The following RPE65 variants were observed in gnomAD, a reference collection of about 807,000 sequenced individuals.
The protein encoded by RPE65 is retinoid isomerohydrolase RPE65, also known as retinoid isomerohydrolase.
Under a neutral mutation model 68.5 loss-of-function variants are expected in RPE65, and 58 were observed. The observed-to-expected ratio is 0.85, with a 90% CI of 0.69 to 1.05. RPE65 has a LOEUF of 1.05. Ranked by LOEUF, RPE65 falls within the 50% of genes least tolerant of loss-of-function variation. The pLI is 0.00. For missense variants in RPE65, 643 were observed against 629.9 expected, an observed-to-expected ratio of 1.02 and a Z score of -0.22; for synonymous variants, 220 against 222.2, an observed-to-expected ratio of 0.99 and a Z score of 0.09.
At chr1:68,446,139 CTT>C (rs1371483969) in intron 3 of RPE65, among the ~76,000 whole-genome samples, 7 of 152,028 alleles carry the variant, frequency 4.6e-5, no homozygotes, top group African/African-American at 1.7e-4. Flanking sequence ...GCAATAATCT[CTT>C]GTTTTCAGAA....
chr1:68,431,987 G>A (rs1645830416), intron 10 of RPE65, among the ~76,000 whole-genome samples: 1 of 148,088 alleles, frequency 6.8e-6, no homozygotes, highest in South Asian at 2.2e-4. Context: ...AGGGATGAAA[G>A]AATGTATATT....
intron 3 of RPE65, 78 bp downstream of exon 3, chr1:68,446,632 G>A: frequency 6.3e-7 from 1 of 1,575,682 alleles, no homozygotes; most frequent in South Asian, 1.1e-5. Context: ...TGAGTTCAGA[G>A]GTGAAAACTC....
chr1:68,448,266 C>CT (rs1247996963), intron 2 of RPE65, among the ~76,000 whole-genome samples: 2 of 152,158 alleles, frequency 1.3e-5, no homozygotes, highest in Non-Finnish European at 2.9e-5. Flanking sequence ...ACCCACCACC[C>CT]TTTAATACTC....
intron 10 of RPE65, among the ~76,000 whole-genome samples, chr1:68,433,041 A>G (rs1645837683): frequency 6.6e-6 from 1 of 152,202 alleles, no homozygotes; most frequent in African/African-American, 2.4e-5. Flanking sequence ...CTACAGGTGG[A>G]GTAAATTTTT....
In RPE65 at chr1:68,431,505, C is replaced by T. The variant is rs1645826098; in HGVS notation, c.1209G>A (p.Leu403=). The T allele has an allele frequency of 1.9e-6, 3 of 1,613,830 alleles. No homozygotes were observed. The highest frequency in any genetic ancestry group is 1.7e-5 in the Admixed American group (1 of 59,956). Residue 403 remains leucine, a synonymous_variant, in exon 11 of 14, where the codon CTG becomes CTA. Coordinates refer to ENST00000262340, the MANE Select transcript of RPE65 (RefSeq NM_000329.3). ...GCCCTGAAAAGAGAACTTCAGGCTC[C>T]AGCCAGATAGTCTCGTCACTGCACA... The part of the protein sequence containing the change: ...AILCSDETIW[L]EPEVLFSGPR...
chr1:68,446,723 T>C lies in RPE65; in HGVS notation c.232A>G (p.Thr78Ala). The change falls in exon 3 of 14, where the codon ACA becomes GCA. Residue 78 changes from threonine (T) to alanine (A), a missense_variant. Transcript: ENST00000262340. ...HKFDFKEGHV[T>A]YHRRFIRTDA... ...GTGCTGCTTTACCTTCTGTGGTATG[T>C]GACATGTCCTTCTTTAAAGTCAAAC... 2 of 1,614,186 alleles carry C rather than the reference T, an allele frequency of 1.2e-6. No homozygotes were observed. The highest frequency in any genetic ancestry group is 1.7e-6 in the Non-Finnish European group (2 of 1,180,038).
In RPE65 at chr1:68,438,333, T is replaced by C. The variant is rs1377414689; in HGVS notation, c.999-17A>G. 6.2e-6 allele frequency: 10 copies of C among 1,611,072 alleles called. No individual in the cohort carries two copies. Among genetic ancestry groups the C allele is most frequent in the Non-Finnish European group, 8.5e-6 (10 of 1,179,462 alleles). On this transcript the variant is annotated splice_polypyrimidine_tract_variant and intron_variant, in intron 9 of 13. Transcript: ENST00000262340. ...AACTCAAATCTGCAAAAATAAAAAG[T>C]CAAACATGAGCACAGGCAATGACAA...
At chr1:68,432,286 A>G (rs544152963) in intron 10 of RPE65, among the ~76,000 whole-genome samples, 73 of 152,246 alleles carry the variant, frequency 4.8e-4, no homozygotes, top group African/African-American at 1.7e-3. Flanking sequence ...CCTACATTCT[A>G]GTTCAAGGAG....
rs780869180 is a variant in RPE65, at chr1:68,438,298, A to G, written c.1017T>C (p.Asn339=). 6.8e-6 allele frequency: 11 copies of G among 1,613,558 alleles called. No homozygotes were observed. Among genetic ancestry groups the G allele is most frequent in the African/African-American group, 1.3e-5 (1 of 75,030 alleles). ...CCWKGFEFVY[N]YLYLANLREN... ...CACGTAAATTGGCTAAATATAAGTA[A>G]TTATAAACAAACTCAAATCTGCAAA... The change falls in exon 10 of 14, where the codon AAT becomes AAC. Residue 339 remains asparagine, a synonymous_variant. Coordinates refer to ENST00000262340, the MANE Select transcript of RPE65 (RefSeq NM_000329.3).
At chr1:68,443,892 A>T (rs1363724881) in intron 5 of RPE65, among the ~76,000 whole-genome samples, 2 of 152,190 alleles carry the variant, frequency 1.3e-5, no homozygotes, top group Non-Finnish European at 2.9e-5. Context: ...ATATTGCTGA[A>T]ATTTTGTTCT....
intron 5 of RPE65, among the ~76,000 whole-genome samples, chr1:68,443,733 T>G (rs1250284215): frequency 6.6e-6 from 1 of 152,202 alleles, no homozygotes; most frequent in Non-Finnish European, 1.5e-5. Flanking sequence ...GTTACATATT[T>G]GATTTCTCCA....
At chr1:68,445,516 AT>A (rs1645936681) in intron 3 of RPE65, among the ~76,000 whole-genome samples, 1 of 151,746 alleles carries the variant, frequency 6.6e-6, no homozygotes, top group South Asian at 2.1e-4. Flanking sequence ...TAATTAATTA[AT>A]TAATTAATTA....
chr1:68,443,519 C>T (rs552248559), intron 5 of RPE65, among the ~76,000 whole-genome samples: 2 of 152,292 alleles, frequency 1.3e-5, no homozygotes, highest in East Asian at 1.9e-4. Flanking sequence ...GCTTTACCCC[C>T]TCCATCTAGC....
chr1:68,445,241 C>G (rs921748365), intron 3 of RPE65, among the ~76,000 whole-genome samples: 1 of 152,028 alleles, frequency 6.6e-6, no homozygotes, highest in Non-Finnish European at 1.5e-5. Flanking sequence ...ACATAGGACC[C>G]CCACCCCCAT....
intron 10 of RPE65, among the ~76,000 whole-genome samples, chr1:68,436,952 C>A (rs1477703227): frequency 6.6e-6 from 1 of 152,164 alleles, no homozygotes; most frequent in Non-Finnish European, 1.5e-5. Flanking sequence ...CTTCATCTCT[C>A]AGTCACCATT....
At position 68,431,453 on chromosome 1, in the gene RPE65, T is replaced by C. The variant is rs749922257; in HGVS notation, c.1243+18A>G. On this transcript the variant is annotated intron_variant, in intron 11 of 13. Transcript: ENST00000262340. ...CATTTGTTCACTCCCGTGTGAAGTT[T>C]TCTCTAGATCATCTCACCTTGACGA... 5 of 1,613,396 alleles carry C rather than the reference T, an allele frequency of 3.1e-6. No homozygotes were observed. In the Admixed American group the frequency reaches 6.7e-5, roughly 22 times the overall value.
intron 1 of RPE65, among the ~76,000 whole-genome samples, chr1:68,448,930 A>G (rs1208065542): frequency 6.6e-6 from 1 of 151,664 alleles, no homozygotes; most frequent in Non-Finnish European, 1.5e-5. Context: ...CAGGTATGGA[A>G]GGGGGTCCCA....
rs968887481 is a variant in RPE65 at position 68,429,023 on chromosome 1, A to G, written c.*753T>C. 2 of 148,550 alleles carry G rather than the reference A, an allele frequency of 1.3e-5. No homozygotes were observed. The highest frequency in any genetic ancestry group is 6.8e-5 in the Admixed American group (1 of 14,802). 9.2% of individuals were successfully genotyped at this position (148,550 alleles called of 1,614,324 possible). On this transcript the variant is annotated 3_prime_UTR_variant, in exon 14 of 14. Transcript: ENST00000262340. ...TTATCCCATAATCTGATTTTAGTAA[A>G]TATTACATTTTTAAGCATTTTATGC...
At chr1:68,434,415 T>G (rs1211133849) in intron 10 of RPE65, among the ~76,000 whole-genome samples, 6 of 151,454 alleles carry the variant, frequency 4.0e-5, no homozygotes, top group African/African-American at 1.5e-4. Flanking sequence ...AGACAGGAGA[T>G]TTTTTCTGGT....
Sources: gnomAD v4.1 joint callset for allele counts (sites outside exome capture counted in the v4.1 genomes callset) on GRCh38, gnomAD v4.1.1 for gene constraint, MANE v1.5 for transcripts, NCBI Gene and HGNC (gene_info 2026-07-23, HGNC 2026-07-21) for gene names.